Variants in DVL2 observed in about 807,000 individuals in gnomAD.
The protein encoded by DVL2 is segment polarity protein dishevelled homolog DVL-2.
DVL2 carries 38 observed loss-of-function variants against 69.8 expected under a neutral mutation model. The observed-to-expected ratio is 0.54, with a 90% CI of 0.42 to 0.71. DVL2 has a LOEUF of 0.71. DVL2 is among the 30% of genes least tolerant of loss of function. DVL2 has a pLI of 0.00. For missense variants in DVL2, 931 were observed against 1,008.1 expected (o/e 0.92, Z 1.04); for synonymous variants, 428 against 392.4 (o/e 1.09, Z -1.07).
At position 7,226,635 on chromosome 17, in the gene DVL2, T is replaced by C; in HGVS notation, c.1548A>G (p.Leu516=). ...CGTTGTCATTGAGAGACAGGTTGAC[T>C]AGGTCTGGAAAGCAAGGGAAGAGAG... ...GDLSGGCESY[L]VNLSLNDNDG... The change falls in exon 14 of 15, where the codon CTA becomes CTG. Residue 516 remains leucine, a synonymous_variant. Transcript: ENST00000005340. 2 of 1,558,414 alleles carry C rather than the reference T, an allele frequency of 1.3e-6. No individual in the cohort carries two copies. The highest frequency in any genetic ancestry group is 8.7e-7 in the Non-Finnish European group (1 of 1,155,072).
intron 1 of DVL2, among the ~76,000 whole-genome samples, chr17:7,233,125 A>T (rs1454316686): frequency 1.3e-5 from 2 of 149,978 alleles, no homozygotes; most frequent in African/African-American, 5.0e-5. Flanking sequence ...TTGAGGACCC[A>T]GAAGGCTCAG....
intron 9 of DVL2, 96 bp from the exon 10 acceptor site, chr17:7,228,140 G>T (rs1447237819): frequency 2.9e-6 from 3 of 1,037,964 alleles, no homozygotes; most frequent in Non-Finnish European, 2.8e-6. Context: ...GACACAAAGA[G>T]GGGGAGAAGC....
At position 7,229,039 on chromosome 17, in the gene DVL2, C is replaced by T; in HGVS notation, c.964G>A (p.Asp322Asn). Reference sequence around the variant, plus strand: ...TTGCTCATGTTCTCAAAGTTCATGTCATTCACCTGGAAGCGACGGCAAGTG... The same window carrying T: ...TTGCTCATGTTCTCAAAGTTCATGTTATTCACCTGGAAGCGACGGCAAGTG... ...EPGDMLLQVNDMNFENMSNDD... is the reference protein window; with the variant it reads ...EPGDMLLQVNNMNFENMSNDD... Residue 322 changes from aspartate to asparagine, a missense_variant, in exon 9 of 15, where the codon GAC becomes AAC. Physicochemically the swap from Asp to Asn is conservative, Grantham distance 23 (BLOSUM62 1). Coordinates refer to ENST00000005340, the MANE Select transcript of DVL2 (RefSeq NM_004422.3). This position sits in a 1 kb window ranked among gnomAD's most constrained non-coding sequence, Gnocchi z 4.4. The T allele has an allele frequency of 6.2e-7, 1 of 1,614,206 alleles. No homozygotes were observed. The highest frequency in any genetic ancestry group is 8.5e-7 in the Non-Finnish European group (1 of 1,180,044).
intron 13 of DVL2, 70 bp downstream of exon 13, chr17:7,227,020 G>A: frequency 6.7e-7 from 1 of 1,486,036 alleles, no homozygotes; most frequent in Non-Finnish European, 9.1e-7. Flanking sequence ...TTCTGGGCTA[G>A]GTCTAGGGTT....
At chr17:7,230,670 G>A in intron 2 of DVL2, 58 bp downstream of exon 2, 1 of 1,535,242 alleles carries the variant, frequency 6.5e-7, no homozygotes, top group East Asian at 2.3e-5. Flanking sequence ...ACAGACTGAG[G>A]CTTGAGGGAG....
rs904682433 is a variant in DVL2 at position 7,234,352 on chromosome 17, G to C, written c.-90C>G. 67 of 1,445,308 alleles carry C rather than the reference G, an allele frequency of 4.6e-5. No homozygotes were observed. Among genetic ancestry groups the C allele is most frequent in the Non-Finnish European group, 6.2e-5 (66 of 1,061,234 alleles). The allele number at this position is 1,445,308 out of a possible 1,614,324, so 89.5% of individuals were successfully genotyped here. On this transcript the variant is annotated 5_prime_UTR_variant, in exon 1 of 15. Coordinates refer to ENST00000005340, the MANE Select transcript of DVL2 (RefSeq NM_004422.3). Reference sequence around the variant, plus strand: ...TGCGCACACCCGCAAACCGACGCGCGAGCGCGGACAGGACTGACCCAGTAC... The same window carrying C: ...TGCGCACACCCGCAAACCGACGCGCCAGCGCGGACAGGACTGACCCAGTAC...
At chr17:7,228,136 AAG>A (rs1322563450) in intron 9 of DVL2, 92 bp from the exon 10 acceptor site, 65 of 1,073,202 alleles carry the variant, frequency 6.1e-5, no homozygotes, top group Non-Finnish European at 8.4e-5. Context: ...AAGAGACACA[AAG>A]AGGGGGAGAA....
intron 1 of DVL2, 77 bp downstream of exon 1, chr17:7,233,992 G>C: frequency 6.6e-7 from 1 of 1,507,636 alleles, no homozygotes; most frequent in Non-Finnish European, 9.1e-7. Flanking sequence ...GTGGCCCAAA[G>C]TAGACGTGTG....
intron 9 of DVL2, 50 bp downstream of exon 9, chr17:7,228,919 A>G (rs1447097930): frequency 6.3e-7 from 1 of 1,583,552 alleles, no homozygotes; most frequent in Non-Finnish European, 8.7e-7. Context: ...CAAAACATGA[A>G]AGAGAAAAAA....
intron 1 of DVL2, among the ~76,000 whole-genome samples, chr17:7,231,567 A>G (rs2071544041): frequency 6.6e-6 from 1 of 151,538 alleles, no homozygotes; most frequent in African/African-American, 2.4e-5. Context: ...TCTTGAGTAA[A>G]AACACCCATT....
Position 7,234,265 on chromosome 17 carries a change from T to C in DVL2, c.-3A>G. 1.2e-6 allele frequency: 2 copies of C among 1,608,360 alleles called. No individual in the cohort carries two copies. Among genetic ancestry groups the C allele is most frequent in the Middle Eastern group, 1.9e-4 (1 of 5,314 alleles). The stretch of plus-strand genomic sequence containing the variant: ...CCCCCAGTGCTGCTACCCGCCATGG[T>C]CTCGCCCGCGCGCTCCCGGGCTCCA... On this transcript the variant is annotated 5_prime_UTR_variant, in exon 1 of 15. Coordinates refer to ENST00000005340, the MANE Select transcript of DVL2 (RefSeq NM_004422.3).
At position 7,229,095 on chromosome 17, in the gene DVL2, C is replaced by G. The variant is rs746449794; in HGVS notation, c.957+40G>C. ...GAGACACGGTGGGAGAGGCTGAGGG[C>G]CCCCGTGCAGGGCAGCTCAGTGGCC... On this transcript the variant is annotated intron_variant, in intron 8 of 14. Coordinates refer to ENST00000005340, the MANE Select transcript of DVL2 (RefSeq NM_004422.3). This position sits in a 1 kb window ranked among gnomAD's most constrained non-coding sequence, Gnocchi z 4.4. The G allele has an allele frequency of 1.2e-6, 2 of 1,614,062 alleles. No homozygotes were observed. Among genetic ancestry groups the G allele is most frequent in the Non-Finnish European group, 1.7e-6 (2 of 1,179,980 alleles).
chr17:7,228,854 T>C (rs527421294), intron 9 of DVL2, 115 bp downstream of exon 9: 1 of 1,082,618 alleles, frequency 9.2e-7, no homozygotes, highest in South Asian at 1.4e-5. Context: ...AGTGCTGGGT[T>C]TACAGGCTCG....
chr17:7,226,345 T>TC, intron 14 of DVL2, 32 bp from the exon 15 acceptor site: 4 of 1,536,598 alleles, frequency 2.6e-6, no homozygotes, highest in Non-Finnish European at 3.5e-6. Context: ...AACTGAGTCC[T>TC]CACCCAGGCT....
At position 7,225,470 on chromosome 17, in the gene DVL2, G is replaced by T; in HGVS notation, c.*395C>A. On this transcript the variant is annotated 3_prime_UTR_variant, in exon 15 of 15. Transcript: ENST00000005340. The stretch of plus-strand genomic sequence containing the variant: ...GCTGTCTAGGATGCCTAACCCCGGG[G>T]TACCGCTGACCACCCCCAACCCTGC... The T allele has an allele frequency of 2.3e-6, 1 of 429,934 alleles. No homozygotes were observed. Among genetic ancestry groups the T allele is most frequent in the Non-Finnish European group, 4.3e-6 (1 of 234,378 alleles). 26.6% of individuals were successfully genotyped at this position (429,934 alleles called of 1,614,324 possible).
Position 7,228,028 on chromosome 17 carries a change from C to T in DVL2, c.1051G>A (p.Val351Met), listed in dbSNP as rs1335475116. Residue 351 changes from valine to methionine, a missense_variant, in exon 10 of 15, where the codon GTG (valine) becomes ATG (methionine). Physicochemically the swap from Val to Met is conservative, Grantham distance 21 (BLOSUM62 1). Around this residue, in one of 3 missense-constraint regions of DVL2, gnomAD observed 555 missense variants for 588.8 expected, o/e 0.94. Transcript: ENST00000005340. ...VHKPGPIVLT[V>M]AKCWDPSPQA... ...GGAGAGGGATCCCAGCACTTGGCCACAGTCAGCACAATGGGGCTATGGGGA... is the reference window on the plus strand; with the variant it reads ...GGAGAGGGATCCCAGCACTTGGCCATAGTCAGCACAATGGGGCTATGGGGA... 1 of 1,550,166 alleles carries T rather than the reference C, an allele frequency of 6.5e-7. No homozygotes were observed. The highest frequency in any genetic ancestry group is 1.3e-5 in the South Asian group (1 of 79,888).
intron 1 of DVL2, 179 bp downstream of exon 1, chr17:7,233,890 A>T: frequency 1.4e-6 from 1 of 700,482 alleles, no homozygotes; most frequent in Non-Finnish European, 2.5e-6. Context: ...CGTGTGCCTC[A>T]ATCTATCCAA....
chr17:7,227,868 C>G, intron 10 of DVL2, 85 bp from the exon 11 acceptor site: 1 of 1,558,608 alleles, frequency 6.4e-7, no homozygotes, highest in Non-Finnish European at 8.7e-7. Flanking sequence ...TCCTGTTCCA[C>G]CTCTGCCTGG....
At position 7,226,428 on chromosome 17, in the gene DVL2, A is replaced by C. The variant is rs941356299; in HGVS notation, c.1755T>G (p.His585Gln). 1 of 1,533,974 alleles carries C rather than the reference A, an allele frequency of 6.5e-7. No individual in the cohort carries two copies. The highest frequency in any genetic ancestry group is 8.8e-7 in the Non-Finnish European group (1 of 1,141,298). ...TATGTGGGGATGACTTACCCTCACT[A>C]TGCTGGCTGCTGGCACTGCCCCCAC... ...TYGGGSASSQ[H>Q]SEGSRSSGST... is the part of the protein sequence containing the mutation. Residue 585 changes from histidine (H) to glutamine (Q), a missense_variant, in exon 14 of 15, where the codon CAT becomes CAG. Around this residue, in one of 3 missense-constraint regions of DVL2, gnomAD observed 314 missense variants for 313.7 expected, o/e 1.00. Coordinates refer to ENST00000005340, the MANE Select transcript of DVL2 (RefSeq NM_004422.3).
Sources: allele counts gnomAD v4.1 joint callset (sites outside exome capture counted in the v4.1 genomes callset), GRCh38; gene constraint gnomAD v4.1.1; regional missense constraint gnomAD v4.1.1; non-coding constraint Gnocchi (gnomAD v3.1); transcripts MANE v1.5; gene names NCBI Gene and HGNC (gene_info 2026-07-23, HGNC 2026-07-21).